ATP6V1H: variants seen among roughly 807,000 people sequenced by gnomAD.
The protein encoded by ATP6V1H is ATPase H+ transporting V1 subunit H.
Under a neutral mutation model 71.7 loss-of-function variants are expected in ATP6V1H, and 39 were observed. The observed-to-expected ratio is 0.54, with a 90% CI of 0.42 to 0.71. The LOEUF (loss-of-function observed/expected upper bound fraction) is 0.71. ATP6V1H is among the 30% of genes least tolerant of loss of function. The probability of loss-of-function intolerance (pLI) is 0.00; values close to 1 mark genes in which losing one functional copy is unlikely to be tolerated. For missense variants in ATP6V1H, 509 were observed against 594.9 expected, an observed-to-expected ratio of 0.86 and a Z score of 1.50; for synonymous variants, 192 against 199.3, an observed-to-expected ratio of 0.96 and a Z score of 0.31.
chr8:53,811,306 C>T, intron 6 of ATP6V1H, 89 bp from the exon 7 acceptor site: 1 of 1,065,782 alleles, frequency 9.4e-7, no homozygotes, highest in Non-Finnish European at 1.4e-6. Context: ...GCAAACTTTT[C>T]CCCTAATTCT....
At chr8:53,740,536 T>A (rs1404755644) in intron 13 of ATP6V1H, among the ~76,000 whole-genome samples, 1 of 152,218 alleles carries the variant, frequency 6.6e-6, no homozygotes, top group Non-Finnish European at 1.5e-5. Flanking sequence ...TTATAATAAC[T>A]CGTTTCCATT....
At chr8:53,791,167 A>G (rs1186318156) in intron 9 of ATP6V1H, among the ~76,000 whole-genome samples, 2 of 152,236 alleles carry the variant, frequency 1.3e-5, no homozygotes, top group Non-Finnish European at 2.9e-5. Flanking sequence ...AAGATGCAAT[A>G]TCTATTTTGC....
chr8:53,821,129 G>A (rs994454346), intron 4 of ATP6V1H, among the ~76,000 whole-genome samples: 5 of 151,036 alleles, frequency 3.3e-5, no homozygotes, highest in African/African-American at 1.2e-4. Flanking sequence ...CCAGCACTTT[G>A]GGAGGCCGAG....
intron 9 of ATP6V1H, among the ~76,000 whole-genome samples, chr8:53,778,195 A>T (rs1340439276): frequency 6.6e-6 from 1 of 152,220 alleles, no homozygotes; most frequent in Admixed American, 6.5e-5. Context: ...GATAGTTTTT[A>T]AAAATTTATT....
At chr8:53,772,785 T>C (rs1405031163) in intron 9 of ATP6V1H, among the ~76,000 whole-genome samples, 2 of 150,990 alleles carry the variant, frequency 1.3e-5, no homozygotes, top group African/African-American at 4.9e-5. Context: ...GTCATGGAAT[T>C]AAGCAATGTT....
intron 13 of ATP6V1H, among the ~76,000 whole-genome samples, chr8:53,742,284 G>A (rs1173185277): frequency 6.6e-6 from 1 of 152,158 alleles, no homozygotes; most frequent in African/African-American, 2.4e-5. Context: ...CACTCCAGCT[G>A]TCTATCCACT....
intron 6 of ATP6V1H, among the ~76,000 whole-genome samples, chr8:53,812,856 G>A (rs906401139): frequency 1.1e-4 from 17 of 152,072 alleles, no homozygotes; most frequent in African/African-American, 2.9e-4. Context: ...CACCACGCCC[G>A]GCTAATTGTT....
At chr8:53,806,635 G>A (rs552358242) in intron 7 of ATP6V1H, 82 of 162,974 alleles carry the variant, frequency 5.0e-4, no homozygotes, top group Middle Eastern at 3.3e-3. Context: ...TGCAACTTCC[G>A]AGAACATAAC....
intron 13 of ATP6V1H, among the ~76,000 whole-genome samples, chr8:53,732,658 C>CA (rs576194964): frequency 0.033 from 3,060 of 93,754 alleles, 66 homozygotes; most frequent in African/African-American, 0.082. Context: ...CAGCTTATTG[C>CA]AAAAAAAAAA....
At chr8:53,837,462 CAT>C (rs563723967) in intron 2 of ATP6V1H, among the ~76,000 whole-genome samples, 242 of 150,240 alleles carry the variant, frequency 1.6e-3, no homozygotes, top group African/African-American at 5.3e-3. Context: ...AACACACACA[CAT>C]GTTATAATGC....
intron 4 of ATP6V1H, among the ~76,000 whole-genome samples, chr8:53,828,916 T>G (rs1485747326): frequency 6.6e-6 from 1 of 152,108 alleles, no homozygotes; most frequent in South Asian, 2.1e-4. Flanking sequence ...TACATAAATA[T>G]GAATAAAGGA....
intron 9 of ATP6V1H, among the ~76,000 whole-genome samples, chr8:53,778,849 G>A (rs1195507594): frequency 6.6e-6 from 1 of 152,118 alleles, no homozygotes; most frequent in East Asian, 1.9e-4. Context: ...TATGACACAG[G>A]TAAGTTGAAA....
At chr8:53,788,767 T>C (rs1809464980) in intron 9 of ATP6V1H, among the ~76,000 whole-genome samples, 1 of 152,236 alleles carries the variant, frequency 6.6e-6, no homozygotes, top group South Asian at 2.1e-4. Flanking sequence ...TCTATCCTTC[T>C]ACTGCGCCAT....
At chr8:53,799,377 A>G (rs1355835637) in intron 8 of ATP6V1H, among the ~76,000 whole-genome samples, 2 of 152,212 alleles carry the variant, frequency 1.3e-5, no homozygotes, top group African/African-American at 2.4e-5. Context: ...GAAATAAATA[A>G]TTACCCTTTA....
At chr8:53,819,547 C>CATATGT in intron 4 of ATP6V1H, among the ~76,000 whole-genome samples, 1 of 35,136 alleles carries the variant, frequency 2.8e-5, no homozygotes, top group Admixed American at 4.9e-4. Context: ...AAAAAAAAAG[C>CATATGT]ATATATATAT....
At chr8:53,776,463 C>A (rs1227112995) in intron 9 of ATP6V1H, among the ~76,000 whole-genome samples, 1 of 152,228 alleles carries the variant, frequency 6.6e-6, no homozygotes, top group Admixed American at 6.5e-5. Context: ...TCACCTCTCA[C>A]AAGGACAGAC....
At chr8:53,806,757 T>C (rs753332657) in intron 7 of ATP6V1H, 3 of 424,146 alleles carry the variant, frequency 7.1e-6, no homozygotes, top group Non-Finnish European at 1.4e-5. Context: ...AATTTTCTTT[T>C]GCATTTCAGA....
intron 4 of ATP6V1H, among the ~76,000 whole-genome samples, chr8:53,821,002 GA>G (rs1810634266): frequency 7.6e-6 from 1 of 130,772 alleles, no homozygotes; most frequent in Non-Finnish European, 1.7e-5. Context: ...AAAAGAAAAA[GA>G]AAAAAGAAAA....
At chr8:53,810,961 G>A (rs918143965) in intron 7 of ATP6V1H, among the ~76,000 whole-genome samples, 4 of 152,114 alleles carry the variant, frequency 2.6e-5, no homozygotes, top group African/African-American at 9.7e-5. Context: ...CAACGGGAAA[G>A]AACAAGTCTT....
Sources: gnomAD v4.1 joint callset for allele counts (sites outside exome capture counted in the v4.1 genomes callset) on GRCh38, gnomAD v4.1.1 for gene constraint, MANE v1.5 for transcripts, NCBI Gene and HGNC (gene_info 2026-07-23, HGNC 2026-07-21) for gene names.